The following SHROOM3 variants were observed in gnomAD, a reference collection of about 807,000 sequenced individuals.
SHROOM3 encodes the protein protein Shroom3.
SHROOM3 carries 47 observed loss-of-function variants against 138.6 expected under a neutral mutation model. That is an observed-to-expected ratio of 0.34 (90% confidence interval 0.27 to 0.43). The LOEUF (loss-of-function observed/expected upper bound fraction) is 0.43. SHROOM3 is among the 20% of genes least tolerant of loss of function. The pLI is 1.00. For missense variants in SHROOM3, 2,491 were observed against 2,596.5 expected, an observed-to-expected ratio of 0.96 and a Z score of 0.88; for synonymous variants, 1,062 against 1,063.3, an observed-to-expected ratio of 1.00 and a Z score of 0.02.
At chr4:76,504,335 A>G (rs1732161907) in intron 1 of SHROOM3, among the ~76,000 whole-genome samples, 1 of 151,908 alleles carries the variant, frequency 6.6e-6, no homozygotes, top group Non-Finnish European at 1.5e-5. Context: ...AGTTTTTTGT[A>G]TTTAGTGGAG....
At chr4:76,494,258 G>T (rs947155912) in intron 1 of SHROOM3, among the ~76,000 whole-genome samples, 6 of 151,836 alleles carry the variant, frequency 4.0e-5, no homozygotes, top group Admixed American at 1.3e-4. Context: ...ACCTTTTCAG[G>T]TGTTATTTAT....
intron 2 of SHROOM3, chr4:76,639,542 C>T: frequency 2.5e-6 from 1 of 398,584 alleles, no homozygotes; most frequent in Non-Finnish European, 4.4e-6. Context: ...ATGCCAATCT[C>T]ATTGCTGGCC....
chr4:76,446,698 G>A (rs6847893), intron 1 of SHROOM3, among the ~76,000 whole-genome samples: 225 of 152,302 alleles, frequency 1.5e-3, no homozygotes, highest in African/African-American at 5.1e-3. Context: ...GTTGCAAACT[G>A]ATAGAACAAT....
chr4:76,525,498 T>A (rs575776428), intron 1 of SHROOM3, among the ~76,000 whole-genome samples: 26 of 152,306 alleles, frequency 1.7e-4, no homozygotes, highest in Admixed American at 9.2e-4. Context: ...TTTCTTTTAA[T>A]CTTAGTGATT....
chr4:76,740,637 G>A lies in SHROOM3; in HGVS notation c.2464G>A (p.Gly822Arg), dbSNP rs778238734. ...GACCGTCTCAACTTCCAGTACTTCT[G>A]GGAATGACTTCGAGGAGACAAAAGC... ...HRTVSTSSTS[G>R]NDFEETKAHI... Residue 822 changes from glycine (G) to arginine (R), a missense_variant, in exon 5 of 11, where the codon GGG becomes AGG. Around this residue, in one of 4 missense-constraint regions of SHROOM3, gnomAD observed 1,733 missense variants for 1,661.6 expected, o/e 1.04. Coordinates refer to ENST00000296043, the MANE Select transcript of SHROOM3 (RefSeq NM_020859.4). This position sits in a 1 kb window ranked among gnomAD's most constrained non-coding sequence, Gnocchi z 4.0. The A allele has an allele frequency of 6.2e-7, 1 of 1,614,142 alleles. No individual in the cohort carries two copies. The highest frequency in any genetic ancestry group is 8.5e-7 in the Non-Finnish European group (1 of 1,180,020).
intron 3 of SHROOM3, 27 bp from the exon 4 acceptor site, chr4:76,730,777 T>TG (rs754278317): frequency 8.7e-6 from 14 of 1,613,628 alleles, no homozygotes; most frequent in South Asian, 4.4e-5. Context: ...TGGCTAATGT[T>TG]GGGGGGTCCC....
intron 1 of SHROOM3, among the ~76,000 whole-genome samples, chr4:76,450,679 AGAAAGTAGAT>A (rs1730909062): frequency 6.6e-6 from 1 of 152,246 alleles, no homozygotes. Context: ...CTAAAGGGAC[AGAAAGTAGAT>A]GAAAGATTGC....
chr4:76,696,357 A>G (rs978940793), intron 2 of SHROOM3, among the ~76,000 whole-genome samples: 1 of 152,030 alleles, frequency 6.6e-6, no homozygotes, highest in African/African-American at 2.4e-5. Flanking sequence ...TTACCTCCTC[A>G]CTACTGGCAG....
chr4:76,647,272 G>A lies in SHROOM3; in HGVS notation c.324-62884G>A, dbSNP rs1247662926. 3.9e-5 allele frequency among the ~76,000 whole-genome samples: 6 copies of A among 152,304 alleles called. No individual in the cohort carries two copies. The East Asian group carries it at 9.6e-4, about 24-fold the overall frequency. ...ATTAAAGGCTGGGAAGGGTAAGTGG[G>A]TGAGTGGTGGTGATGAAGAGATGTT... On this transcript the variant is annotated intron_variant, in intron 2 of 10. Transcript: ENST00000296043.
At chr4:76,469,392 G>A (rs1731319247) in intron 1 of SHROOM3, among the ~76,000 whole-genome samples, 1 of 152,072 alleles carries the variant, frequency 6.6e-6, no homozygotes. Flanking sequence ...TTAGGAGCAA[G>A]GCCACCTAAG....
At chr4:76,716,817 A>AT (rs1720390596) in intron 3 of SHROOM3, among the ~76,000 whole-genome samples, 1 of 152,214 alleles carries the variant, frequency 6.6e-6, no homozygotes, top group Non-Finnish European at 1.5e-5. Context: ...GAATGGTTAT[A>AT]TACCTATGTA....
At chr4:76,528,819 G>A (rs1197247531) in intron 1 of SHROOM3, among the ~76,000 whole-genome samples, 1 of 152,184 alleles carries the variant, frequency 6.6e-6, no homozygotes, top group Non-Finnish European at 1.5e-5. Flanking sequence ...CTCCCAAAGT[G>A]CTGGGATTAC....
At chr4:76,735,853 AAAAAAAAAAAAAAAAATAT>A (rs1430730669) in intron 4 of SHROOM3, among the ~76,000 whole-genome samples, 93 of 55,540 alleles carry the variant, frequency 1.7e-3, no homozygotes, top group African/African-American at 6.1e-3. Flanking sequence ...AAAAAAAAAA[AAAAAAAAAAAAAAAAATAT>A]ATATATATAT....
intron 1 of SHROOM3, among the ~76,000 whole-genome samples, chr4:76,510,728 C>T (rs1056512024): frequency 8.6e-5 from 13 of 151,998 alleles, no homozygotes; most frequent in African/African-American, 2.7e-4. Context: ...GTTGAGGACT[C>T]GATATGTGCA....
chr4:76,627,987 G>A (rs1035673490), intron 2 of SHROOM3, among the ~76,000 whole-genome samples: 1 of 152,066 alleles, frequency 6.6e-6, no homozygotes, highest in Non-Finnish European at 1.5e-5. Context: ...GTCCTTTCAG[G>A]TGCTTCTTCT....
chr4:76,623,615 A>G (rs1735055452), intron 2 of SHROOM3, among the ~76,000 whole-genome samples: 1 of 152,228 alleles, frequency 6.6e-6, no homozygotes. Context: ...GAAAGATGAC[A>G]TTTTAAAGGT....
At chr4:76,630,508 C>T (rs1240792530) in intron 2 of SHROOM3, among the ~76,000 whole-genome samples, 2 of 152,176 alleles carry the variant, frequency 1.3e-5, no homozygotes, top group East Asian at 1.9e-4. Flanking sequence ...AGCAGACCTG[C>T]CCTTTGAAGG....
At chr4:76,442,507 T>A (rs911373367) in intron 1 of SHROOM3, among the ~76,000 whole-genome samples, 1 of 151,216 alleles carries the variant, frequency 6.6e-6, no homozygotes, top group Admixed American at 6.6e-5. Flanking sequence ...CCTCCCGGGT[T>A]CACGCCATTC....
chr4:76,504,555 T>C (rs917609201), intron 1 of SHROOM3, among the ~76,000 whole-genome samples: 51 of 152,250 alleles, frequency 3.3e-4, no homozygotes, highest in African/African-American at 1.2e-3. Flanking sequence ...AACAATAAGC[T>C]ATTTTCCAAA....
Sources: gnomAD v4.1 joint callset for allele counts (sites outside exome capture counted in the v4.1 genomes callset) on GRCh38, gnomAD v4.1.1 for gene constraint, gnomAD v4.1.1 regional missense constraint, Gnocchi (gnomAD v3.1) non-coding constraint, MANE v1.5 for transcripts, NCBI Gene and HGNC (gene_info 2026-07-23, HGNC 2026-07-21) for gene names.